The following THAP5 variants were observed in gnomAD, a reference collection of about 807,000 sequenced individuals.
The protein encoded by THAP5 is THAP domain containing 5.
In THAP5, 26 loss-of-function variants were observed where a neutral mutation model predicts 34.0. The ratio of observed to expected loss-of-function variants is 0.77; its 90% CI spans 0.56 to 1.06. The LOEUF (loss-of-function observed/expected upper bound fraction) is 1.06, where lower values mean the gene tolerates loss of function less well. Among genes scored for constraint, THAP5 ranks in the 50% least tolerant of loss-of-function variants. The pLI is 0.00. For synonymous variants in THAP5, 125 were observed against 153.0 expected, an observed-to-expected ratio of 0.82 and a Z score of 1.35; for missense variants, 394 against 452.8, an observed-to-expected ratio of 0.87 and a Z score of 1.18.
chr7:108,563,612 A>G lies in THAP5; in HGVS notation c.*579T>C, dbSNP rs1264607595. 2.0e-5 allele frequency: 3 copies of G among 151,546 alleles called. No individual in the cohort carries two copies. 9.4% of individuals were successfully genotyped at this position (151,546 alleles called of 1,614,324 possible). A position where few individuals can be genotyped will look rare whatever the true frequency, so the allele number is the denominator to read the frequency against. ...ACAGATAATATAACTGTAATATGTA[A>G]CTATAGCCAAAAGGTCAAAGACCAC... On this transcript the variant is annotated 3_prime_UTR_variant, in exon 3 of 3. Transcript: ENST00000415914.
At chr7:108,569,715 A>G (rs1790574132), upstream of THAP5, 1 of 1,061,564 alleles carries the variant, frequency 9.4e-7, no homozygotes, top group Non-Finnish European at 1.4e-6. Flanking sequence ...CTGTCGACTC[A>G]CTTCCGCCTC....
chr7:108,546,672 T>G, the THAP5 span, among the ~76,000 whole-genome samples: 6 of 152,216 alleles, frequency 3.9e-5, no homozygotes, highest in South Asian at 1.2e-3. Context: ...CTATTCTTAA[T>G]AGTGCTGTCG....
At chr7:108,554,261 C>CATGTG (rs1320926575), downstream of THAP5, among the ~76,000 whole-genome samples, 2 of 152,184 alleles carry the variant, frequency 1.3e-5, no homozygotes, top group African/African-American at 4.8e-5. Context: ...ATGAAAACAA[C>CATGTG]ATGTGATGTG....
At chr7:108,557,997 C>T (rs1864398535), downstream of THAP5, among the ~76,000 whole-genome samples, 1 of 152,118 alleles carries the variant, frequency 6.6e-6, no homozygotes, top group African/African-American at 2.4e-5. Context: ...AAGCAAGCAC[C>T]TTCTTCACTT....
intron 1 of THAP5, among the ~76,000 whole-genome samples, chr7:108,557,067 C>T (rs1428905890): frequency 1.3e-5 from 2 of 152,378 alleles, no homozygotes; most frequent in East Asian, 3.9e-4. Context: ...CCCTTTTAGC[C>T]ACAGCTGGAG....
chr7:108,564,600 G>T lies in THAP5; in HGVS notation c.779C>A (p.Thr260Lys). The T allele has an allele frequency of 6.2e-7, 1 of 1,613,882 alleles. No individual in the cohort carries two copies. The highest frequency in any genetic ancestry group is 1.1e-5 in the South Asian group (1 of 91,068). The part of the protein sequence containing the change: ...NPFLFSTINQ[T>K]VEELNTNKES... The stretch of plus-strand genomic sequence containing the variant: ...TTTATTTGTGTTTAATTCTTCAACT[G>T]TTTGATTAATTGTGCTGAATAAGAA... Residue 260 changes from threonine to lysine, a missense_variant, in exon 3 of 3, where the codon ACA becomes AAA. Physicochemically the swap from Thr to Lys is moderately conservative, Grantham distance 78 (BLOSUM62 -1). Coordinates refer to ENST00000415914, the MANE Select transcript of THAP5 (RefSeq NM_001130475.3).
chr7:108,565,017 A>G lies in THAP5; in HGVS notation c.362T>C (p.Phe121Ser). The change falls in exon 3 of 3, where the codon TTT becomes TCT. Residue 121 changes from phenylalanine to serine, a missense_variant. Physicochemically the swap from Phe to Ser is radical, Grantham distance 155. Coordinates refer to ENST00000415914, the MANE Select transcript of THAP5 (RefSeq NM_001130475.3). ...VCPKAKSEES[F>S]VLNETKKNIV... ...ATTTTTCTTTGTCTCATTTAATACA[A>G]ATGATTCTTCTGACTTGGCTTTTGG... The G allele has an allele frequency of 6.4e-7, 1 of 1,550,930 alleles. No homozygotes were observed. The highest frequency in any genetic ancestry group is 1.2e-5 in the South Asian group (1 of 83,718).
At chr7:108,544,684 T>C in the THAP5 span, among the ~76,000 whole-genome samples, 2 of 151,944 alleles carry the variant, frequency 1.3e-5, no homozygotes, top group African/African-American at 2.4e-5. Flanking sequence ...TGAGACAGGG[T>C]CTCACTCTGT....
At chr7:108,556,586 A>G in intron 1 of THAP5, among the ~76,000 whole-genome samples, 1 of 152,218 alleles carries the variant, frequency 6.6e-6, no homozygotes, top group Non-Finnish European at 1.5e-5. Flanking sequence ...CTCATATCCA[A>G]GGCATGCTGA....
In THAP5 at chr7:108,564,777, T is replaced by A. The variant is rs755255154; in HGVS notation, c.602A>T (p.Asn201Ile). ...AGTTGTCAAAGTAATAGTTGTAGAA[T>A]TTAGATTCTCAAAACATGTGTGAAA... is the stretch of plus-strand genomic sequence containing the variant. The part of the protein sequence containing the change: ...GGFHTCFENL[N>I]STTITLTTSN... Residue 201 changes from asparagine to isoleucine, a missense_variant, in exon 3 of 3, where the codon AAT becomes ATT. Asn to Ile is a moderately radical substitution (Grantham distance 149). Transcript: ENST00000415914. 9.9e-6 allele frequency: 16 copies of A among 1,613,270 alleles called. No individual in the cohort carries two copies. In the African/African-American group the frequency reaches 1.9e-4, roughly 19 times the overall value.
chr7:108,569,196 A>G, intron 1 of THAP5: 1 of 1,305,590 alleles, frequency 7.7e-7, no homozygotes, highest in South Asian at 1.9e-5. Context: ...AAATGAGATC[A>G]CGTGAAGTGG....
chr7:108,549,521 T>G, the THAP5 span, among the ~76,000 whole-genome samples: 1 of 152,200 alleles, frequency 6.6e-6, no homozygotes, highest in East Asian at 1.9e-4. Flanking sequence ...TACCCCTTGC[T>G]TCTGACCCAA....
At chr7:108,550,609 T>C (rs1864347603), downstream of THAP5, among the ~76,000 whole-genome samples, 1 of 152,236 alleles carries the variant, frequency 6.6e-6, no homozygotes, top group Admixed American at 6.5e-5. Flanking sequence ...TTCACAGTTC[T>C]GAGATCAAGG....
At chr7:108,566,058 A>C in intron 1 of THAP5, 36 bp from the exon 2 acceptor site, 1 of 1,480,562 alleles carries the variant, frequency 6.8e-7, no homozygotes, top group Non-Finnish European at 8.9e-7. Context: ...AAAAGGAAAA[A>C]CTTTGCTATA....
At chr7:108,548,989 G>T in the THAP5 span, among the ~76,000 whole-genome samples, 1 of 151,868 alleles carries the variant, frequency 6.6e-6, no homozygotes, top group African/African-American at 2.4e-5. Context: ...ACAAAAGCCT[G>T]CAGTCCTAGT....
chr7:108,547,397 A>G, the THAP5 span, among the ~76,000 whole-genome samples: 1 of 152,334 alleles, frequency 6.6e-6, no homozygotes, highest in South Asian at 2.1e-4. Context: ...TTATTAATGG[A>G]AAACATGAAC....
Position 108,565,029 on chromosome 7 carries a change from G to A in THAP5, c.350C>T (p.Ser117Leu), listed in dbSNP as rs746945128. 1 of 1,549,226 alleles carries A rather than the reference G, an allele frequency of 6.5e-7. No individual in the cohort carries two copies. Among genetic ancestry groups the A allele is most frequent in the South Asian group, 1.2e-5 (1 of 83,074 alleles). Residue 117 changes from serine (S) to leucine (L), a missense_variant, in exon 3 of 3, where the codon TCA becomes TTA. By Grantham distance (145) the Ser-to-Leu change is moderately radical. Transcript: ENST00000415914. ...DEKEVCPKAK[S>L]EESFVLNETK... ...CTCATTTAATACAAATGATTCTTCT[G>A]ACTTGGCTTTTGGGCATACTTCTTT...
the THAP5 span, among the ~76,000 whole-genome samples, chr7:108,547,156 G>C: frequency 2.0e-5 from 3 of 152,150 alleles, no homozygotes; most frequent in Non-Finnish European, 4.4e-5. Context: ...AATTTGTATA[G>C]TGTCCGTCAT....
downstream of THAP5, among the ~76,000 whole-genome samples, chr7:108,557,380 G>A (rs1050836900): frequency 3.1e-4 from 47 of 152,326 alleles, no homozygotes; most frequent in African/African-American, 1.1e-3. Flanking sequence ...TCTAGTTTCA[G>A]GTAATCTCTT....
Sources: allele counts gnomAD v4.1 joint callset (sites outside exome capture counted in the v4.1 genomes callset), GRCh38; gene constraint gnomAD v4.1.1; transcripts MANE v1.5; gene names NCBI Gene and HGNC (gene_info 2026-07-23, HGNC 2026-07-21).